The following PLXNC1 variants were observed in gnomAD, a reference collection of about 807,000 sequenced individuals.
The protein encoded by PLXNC1 is plexin-C1.
In PLXNC1, 75 loss-of-function variants were observed where a neutral mutation model predicts 178.2. The ratio of observed to expected loss-of-function variants is 0.42; its 90% confidence interval spans 0.35 to 0.51. PLXNC1 has a LOEUF of 0.51. Among genes scored for constraint, PLXNC1 ranks in the 20% least tolerant of loss-of-function variants. The probability of loss-of-function intolerance (pLI) is 0.02; values close to 1 mark genes in which losing one functional copy is unlikely to be tolerated. For synonymous variants in PLXNC1, 790 were observed against 779.9 expected (o/e 1.01, Z -0.22); for missense variants, 1,503 against 1,984.4 (o/e 0.76, Z 4.61).
intron 4 of PLXNC1, among the ~76,000 whole-genome samples, chr12:94,188,819 C>T (rs1962616344): frequency 6.6e-6 from 1 of 152,244 alleles, no homozygotes; most frequent in Non-Finnish European, 1.5e-5. Context: ...GGCCCCTCAC[C>T]CTCAGTGGTA....
intron 12 of PLXNC1, among the ~76,000 whole-genome samples, chr12:94,246,420 A>T (rs1332713451): frequency 6.6e-6 from 1 of 152,090 alleles, no homozygotes; most frequent in Non-Finnish European, 1.5e-5. Context: ...CGTTGAAGGG[A>T]GAGTGGGGGT....
chr12:94,175,501 C>T (rs1962018577), intron 2 of PLXNC1, among the ~76,000 whole-genome samples: 2 of 152,132 alleles, frequency 1.3e-5, no homozygotes, highest in Admixed American at 1.3e-4. Context: ...TTGAAATCTC[C>T]ACTCAGTTAA....
Position 94,279,644 on chromosome 12 carries a change from G to A in PLXNC1, c.3770G>A (p.Gly1257Asp). The A allele has an allele frequency of 6.2e-7, 1 of 1,614,122 alleles. No homozygotes were observed. Among genetic ancestry groups the A allele is most frequent in the African/African-American group, 1.3e-5 (1 of 75,052 alleles). ...SPYGLQLNEIGLELQMGTRQK... is the reference protein window; with the variant it reads ...SPYGLQLNEIDLELQMGTRQK... ...TATGGACTTCAGCTTAATGAAATTG[G>A]TCTTGGTAAGGCGGTGCGGGAGCTA... The change falls in exon 22 of 31, where the codon GGT becomes GAT. Residue 1257 changes from glycine to aspartate, a missense_variant. Coordinates refer to ENST00000258526, the MANE Select transcript of PLXNC1 (RefSeq NM_005761.3).
chr12:94,267,354 A>G (rs977718985), intron 21 of PLXNC1, among the ~76,000 whole-genome samples: 2 of 152,192 alleles, frequency 1.3e-5, no homozygotes, highest in Non-Finnish European at 2.9e-5. Context: ...TCATTTCGAA[A>G]CATTATTTAT....
At chr12:94,267,112 CCTTTA>C (rs1452704371) in intron 21 of PLXNC1, among the ~76,000 whole-genome samples, 13 of 152,146 alleles carry the variant, frequency 8.5e-5, no homozygotes, top group African/African-American at 1.9e-4. Context: ...GATGTTCATG[CCTTTA>C]CTTTAAGACG....
intron 20 of PLXNC1, among the ~76,000 whole-genome samples, chr12:94,262,116 G>C (rs1965004859): frequency 6.6e-6 from 1 of 152,152 alleles, no homozygotes; most frequent in Non-Finnish European, 1.5e-5. Flanking sequence ...GGTCTTCAAA[G>C]GCCAACTCCT....
intron 11 of PLXNC1, among the ~76,000 whole-genome samples, chr12:94,243,490 G>C (rs1592802987): frequency 6.6e-6 from 1 of 152,178 alleles, no homozygotes; most frequent in Non-Finnish European, 1.5e-5. Context: ...AGTGTTTCCT[G>C]TCTCTCTAAA....
chr12:94,254,232 A>G (rs1389759428), intron 15 of PLXNC1, among the ~76,000 whole-genome samples: 2 of 152,212 alleles, frequency 1.3e-5, no homozygotes, highest in Non-Finnish European at 2.9e-5. Context: ...GGGTTGGTTT[A>G]TGGCCTCTGC....
At position 94,306,235 on chromosome 12, in the gene PLXNC1, AAAGAT is replaced by A. The variant is rs1383226514; in HGVS notation, c.*952_*956del. The A allele has an allele frequency of 6.6e-6, 1 of 152,108 alleles. No homozygotes were observed. Among genetic ancestry groups the A allele is most frequent in the African/African-American group, 2.4e-5 (1 of 41,418 alleles). 9.4% of individuals were successfully genotyped at this position (152,108 alleles called of 1,614,324 possible). A position where few individuals can be genotyped will look rare whatever the true frequency, so the allele number is the denominator to read the frequency against. On this transcript the variant is annotated 3_prime_UTR_variant, in exon 31 of 31. Coordinates refer to ENST00000258526, the MANE Select transcript of PLXNC1 (RefSeq NM_005761.3). ...ATACTTGTGTGTGATTTAAAAAAAA[AAAGAT>A]ACATTTTACATTTTATCGAATTGCT...
rs547400851 is a variant in PLXNC1, at chr12:94,197,521, C to T, written c.1439+11048C>T. ...CATGGAATGATGCAGCAAGAAGGCC[C>T]TCACCAGATGCAGGCCCCTTGACCC... On this transcript the variant is annotated intron_variant, in intron 4 of 30. Coordinates refer to ENST00000258526, the MANE Select transcript of PLXNC1 (RefSeq NM_005761.3). 3.3e-5 allele frequency among the ~76,000 whole-genome samples: 5 copies of T among 152,030 alleles called. No individual in the cohort carries two copies. The South Asian group carries it at 1.0e-3, about 32-fold the overall frequency.
chr12:94,243,511 T>C (rs1315274474), intron 11 of PLXNC1, among the ~76,000 whole-genome samples: 1 of 152,194 alleles, frequency 6.6e-6, no homozygotes, highest in African/African-American at 2.4e-5. Context: ...TAACATACCA[T>C]TGGTAGGTTA....
chr12:94,279,465 C>G lies in PLXNC1; in HGVS notation c.3598-7C>G, dbSNP rs375270102. 8.7e-6 allele frequency: 14 copies of G among 1,610,398 alleles called. No homozygotes were observed. In the African/African-American group the frequency reaches 1.7e-4, roughly 20 times the overall value. The stretch of plus-strand genomic sequence containing the variant: ...ATAGACTTGGAAACCTGTTTGTACT[C>G]TTGCAGGCATTAAACGTCGTCTTTG... On this transcript the variant is annotated splice_polypyrimidine_tract_variant and splice_region_variant and intron_variant, in intron 21 of 30. Transcript: ENST00000258526.
In PLXNC1 at chr12:94,181,321, G is replaced by A. The variant is rs1592739035; in HGVS notation, c.1204-125G>A. 3 of 582,016 alleles carry A rather than the reference G, an allele frequency of 5.2e-6. No homozygotes were observed. In the East Asian group the frequency reaches 1.0e-4, roughly 20 times the overall value. 36.1% of individuals were successfully genotyped at this position (582,016 alleles called of 1,614,324 possible). ...TGGAATTGCTTGAACCTGGGAGGCG[G>A]AGGTTGCAGTGAGCCAAGATCATGC... On this transcript the variant is annotated intron_variant, in intron 2 of 30. Coordinates refer to ENST00000258526, the MANE Select transcript of PLXNC1 (RefSeq NM_005761.3).
At chr12:94,210,445 T>C (rs775105999) in intron 5 of PLXNC1, among the ~76,000 whole-genome samples, 1 of 152,230 alleles carries the variant, frequency 6.6e-6, no homozygotes, top group Non-Finnish European at 1.5e-5. Context: ...TCTTGTGTTA[T>C]GAATAATTGT....
chr12:94,180,134 C>G (rs1458475991), intron 2 of PLXNC1, among the ~76,000 whole-genome samples: 1 of 152,180 alleles, frequency 6.6e-6, no homozygotes, highest in Non-Finnish European at 1.5e-5. Flanking sequence ...CCTCCTCTCT[C>G]TCATCTACAG....
In PLXNC1 at chr12:94,303,957, T is replaced by C; in HGVS notation, c.4528-20T>C. 1 of 1,606,852 alleles carries C rather than the reference T, an allele frequency of 6.2e-7. No individual in the cohort carries two copies. The highest frequency in any genetic ancestry group is 8.5e-7 in the Non-Finnish European group (1 of 1,174,518). ...TTACTTTACGTCATTTCAGAATCTC[T>C]CAACAAGTCTTTCTTTTAGAAACAT... On this transcript the variant is annotated intron_variant, in intron 29 of 30. Transcript: ENST00000258526.
intron 9 of PLXNC1, among the ~76,000 whole-genome samples, chr12:94,237,407 A>G (rs1489086874): frequency 6.6e-6 from 1 of 152,212 alleles, no homozygotes; most frequent in African/African-American, 2.4e-5. Context: ...AGAATATCAG[A>G]CTTTTCAACT....
chr12:94,255,232 A>G lies in PLXNC1; in HGVS notation c.3023A>G (p.Asp1008Gly). The change falls in exon 17 of 31, where the codon GAT (aspartate) becomes GGT (glycine). Residue 1008 changes from aspartate (D) to glycine (G), a missense_variant. By Grantham distance (94) the Asp-to-Gly change is moderately conservative. This residue lies in a region of PLXNC1 where 639 missense variants were observed against 979.7 expected (regional missense o/e 0.65). Transcript: ENST00000258526. Reference protein sequence around the residue: ...ELQMDKLDVVDSFGTVPFLDY... With the variant: ...ELQMDKLDVVGSFGTVPFLDY... ...CAGATGGATAAATTGGATGTGGTTGATAGTTTTGGAACTGTTCCCTTCCTT... is the reference window on the plus strand; with the variant it reads ...CAGATGGATAAATTGGATGTGGTTGGTAGTTTTGGAACTGTTCCCTTCCTT... The G allele has an allele frequency of 2.5e-6, 4 of 1,614,156 alleles. No homozygotes were observed. Among genetic ancestry groups the G allele is most frequent in the Non-Finnish European group, 3.4e-6 (4 of 1,179,976 alleles).
chr12:94,232,295 G>C (rs1964124133), intron 9 of PLXNC1, among the ~76,000 whole-genome samples: 1 of 152,104 alleles, frequency 6.6e-6, no homozygotes, highest in African/African-American at 2.4e-5. Context: ...CACCATGTTG[G>C]CCAGGATGGT....
Sources: allele counts gnomAD v4.1 joint callset (sites outside exome capture counted in the v4.1 genomes callset), GRCh38; gene constraint gnomAD v4.1.1; regional missense constraint gnomAD v4.1.1; transcripts MANE v1.5; gene names NCBI Gene and HGNC (gene_info 2026-07-23, HGNC 2026-07-21).